The following MAGI1 variants were observed in gnomAD, a reference collection of about 807,000 sequenced individuals.
The protein encoded by MAGI1 is membrane associated guanylate kinase, WW and PDZ domain containing 1, also known as membrane-associated guanylate kinase, WW and PDZ domain-containing protein 1.
A neutral mutation model predicts 139.9 loss-of-function variants in MAGI1; 58 were observed. That is an observed-to-expected ratio of 0.41 (90% confidence interval 0.34 to 0.52). The LOEUF is 0.52. MAGI1 is among the 20% of genes least tolerant of loss of function. The probability of loss-of-function intolerance (pLI) is 0.12; values close to 1 mark genes in which losing one functional copy is unlikely to be tolerated. For missense variants in MAGI1, 1,874 were observed against 1,901.6 expected, an observed-to-expected ratio of 0.99 and a Z score of 0.27; for synonymous variants, 812 against 737.9, an observed-to-expected ratio of 1.10 and a Z score of -1.63.
chr3:65,758,115 C>A (rs1180939984), intron 1 of MAGI1, among the ~76,000 whole-genome samples: 2 of 152,156 alleles, frequency 1.3e-5, no homozygotes, highest in Non-Finnish European at 2.9e-5. Flanking sequence ...TCGCTGACTT[C>A]AAAGGTCTGT....
chr3:65,650,014 T>C (rs2085492462), intron 1 of MAGI1, among the ~76,000 whole-genome samples: 1 of 152,170 alleles, frequency 6.6e-6, no homozygotes, highest in South Asian at 2.1e-4. Context: ...TTGCCAAAAA[T>C]CATGTTTTGG....
intron 1 of MAGI1, among the ~76,000 whole-genome samples, chr3:65,805,835 G>A (rs929022104): frequency 3.3e-5 from 5 of 152,132 alleles, no homozygotes; most frequent in African/African-American, 4.8e-5. Context: ...AGTAACACAG[G>A]AACAGAAAAC....
At chr3:65,553,403 T>A (rs1228704420) in intron 2 of MAGI1, among the ~76,000 whole-genome samples, 4 of 152,142 alleles carry the variant, frequency 2.6e-5, no homozygotes, top group Non-Finnish European at 5.9e-5. Flanking sequence ...ATGAATTCAG[T>A]TTGGCTTTGA....
intron 12 of MAGI1, among the ~76,000 whole-genome samples, chr3:65,422,593 G>A (rs1946704029): frequency 6.6e-6 from 1 of 152,138 alleles, no homozygotes; most frequent in Non-Finnish European, 1.5e-5. Context: ...TAATGGACTA[G>A]GCACCATTTT....
intron 2 of MAGI1, among the ~76,000 whole-genome samples, chr3:65,553,412 GA>G (rs76730556): frequency 9.2e-5 from 14 of 151,840 alleles, no homozygotes; most frequent in Middle Eastern, 3.4e-3. Context: ...GTTTGGCTTT[GA>G]AAAAAAAATT....
intron 1 of MAGI1, among the ~76,000 whole-genome samples, chr3:66,026,641 CTT>C (rs2068277220): frequency 6.6e-6 from 1 of 151,292 alleles, no homozygotes; most frequent in Non-Finnish European, 1.5e-5. Context: ...CATTGTGACT[CTT>C]TGAAATAATG....
In MAGI1 at chr3:65,570,396, C is replaced by T. The variant is rs1031171213; in HGVS notation, c.430+51576G>A. Among the ~76,000 whole-genome samples, 7 of 149,084 alleles carry T rather than the reference C, an allele frequency of 4.7e-5. No individual in the cohort carries two copies. The South Asian group carries it at 1.5e-3, about 32-fold the overall frequency. On this transcript the variant is annotated intron_variant, in intron 2 of 22. Coordinates refer to ENST00000402939, the MANE Select transcript of MAGI1 (RefSeq NM_001033057.2). ...GGATCACAGGCATGAGCCACTACAC[C>T]TGGCCTTTCTACAATACTTCATAAA...
At position 65,984,717 on chromosome 3, in the gene MAGI1, T is replaced by C. The variant is rs918213234; in HGVS notation, c.313+53279A>G. 2.0e-5 allele frequency among the ~76,000 whole-genome samples: 3 copies of C among 149,338 alleles called. No homozygotes were observed. The South Asian group carries it at 6.5e-4, about 32-fold the overall frequency. On this transcript the variant is annotated intron_variant, in intron 1 of 22. Coordinates refer to ENST00000402939, the MANE Select transcript of MAGI1 (RefSeq NM_001033057.2). ...TGCCTTGCTAATTTTTTTTTCTTTTTTTTTTTTTTTTTAGAGATAGGAGTC... is the reference window on the plus strand; with the variant it reads ...TGCCTTGCTAATTTTTTTTTCTTTTCTTTTTTTTTTTTAGAGATAGGAGTC...
intron 1 of MAGI1, among the ~76,000 whole-genome samples, chr3:65,974,683 G>T (rs112819637): frequency 6.6e-6 from 1 of 152,032 alleles, no homozygotes; most frequent in African/African-American, 2.4e-5. Context: ...AAGCTCATTC[G>T]CATGGCTGTC....
chr3:65,837,586 G>A (rs373243824), intron 1 of MAGI1, among the ~76,000 whole-genome samples: 43 of 152,268 alleles, frequency 2.8e-4, no homozygotes, highest in African/African-American at 1.0e-3. Flanking sequence ...CAACCATGGG[G>A]GCCAACGTCC....
chr3:65,835,375 G>T (rs980846127), intron 1 of MAGI1, among the ~76,000 whole-genome samples: 6 of 152,312 alleles, frequency 3.9e-5, no homozygotes, highest in East Asian at 1.9e-4. Flanking sequence ...GACTTGTCTG[G>T]CAGGAAGAGA....
At chr3:65,828,478 T>C (rs78086542) in intron 1 of MAGI1, among the ~76,000 whole-genome samples, 2,506 of 152,288 alleles carry the variant, frequency 0.016, 69 homozygotes, top group African/African-American at 0.054. Flanking sequence ...TTTTTTCAGT[T>C]AGCAGTAAGA....
At chr3:65,740,276 A>T (rs1276591224) in intron 1 of MAGI1, among the ~76,000 whole-genome samples, 2 of 152,212 alleles carry the variant, frequency 1.3e-5, no homozygotes, top group African/African-American at 4.8e-5. Context: ...TTTTCTGGGC[A>T]CTGGTCATCG....
chr3:65,933,784 G>GTT (rs1012727384), intron 1 of MAGI1, among the ~76,000 whole-genome samples: 4 of 152,130 alleles, frequency 2.6e-5, no homozygotes, highest in African/African-American at 9.7e-5. Flanking sequence ...TTTATTAATT[G>GTT]TTTATCATCA....
chr3:65,944,878 G>A (rs761580104), intron 1 of MAGI1, among the ~76,000 whole-genome samples: 17 of 152,266 alleles, frequency 1.1e-4, no homozygotes, highest in African/African-American at 1.7e-4. Context: ...AATTTTGTCC[G>A]ACAGCATTAA....
In MAGI1 at chr3:65,714,890, G is replaced by T. The variant is rs912856038; in HGVS notation, c.314-92802C>A. 5.3e-5 allele frequency among the ~76,000 whole-genome samples: 8 copies of T among 152,096 alleles called. No individual in the cohort carries two copies. The South Asian group carries it at 6.2e-4, about 12-fold the overall frequency. Reference sequence around the variant, plus strand: ...GCAGTTTCTTCTGTTCCTCACTACAGGAAAAATAGTATAGATATTAATGAT... The same window carrying T: ...GCAGTTTCTTCTGTTCCTCACTACATGAAAAATAGTATAGATATTAATGAT... On this transcript the variant is annotated intron_variant, in intron 1 of 22. Transcript: ENST00000402939.
At chr3:65,827,877 C>CA (rs1167621688) in intron 1 of MAGI1, among the ~76,000 whole-genome samples, 1 of 152,010 alleles carries the variant, frequency 6.6e-6, no homozygotes, top group Non-Finnish European at 1.5e-5. Flanking sequence ...TTGCCTGCAG[C>CA]AAAAAATTTT....
At chr3:65,754,728 A>G (rs796900382) in intron 1 of MAGI1, among the ~76,000 whole-genome samples, 8 of 152,320 alleles carry the variant, frequency 5.3e-5, no homozygotes, top group African/African-American at 1.9e-4. Context: ...CAAACCAAAT[A>G]TGCCAAGTTA....
chr3:65,401,209 C>T (rs1171144492), intron 13 of MAGI1, among the ~76,000 whole-genome samples: 4 of 152,156 alleles, frequency 2.6e-5, no homozygotes, highest in Non-Finnish European at 5.9e-5. Flanking sequence ...ATTCTTTATC[C>T]TGGCTCCTGC....
Sources: gnomAD v4.1 joint callset for allele counts (sites outside exome capture counted in the v4.1 genomes callset) on GRCh38, gnomAD v4.1.1 for gene constraint, MANE v1.5 for transcripts, NCBI Gene and HGNC (gene_info 2026-07-23, HGNC 2026-07-21) for gene names.